Variants in INPP1 observed in about 807,000 individuals in gnomAD.
The protein encoded by INPP1 is inositol polyphosphate-1-phosphatase.
In INPP1, 18 loss-of-function variants were observed where a neutral mutation model predicts 23.0. That is an observed-to-expected ratio of 0.78 (90% CI 0.54 to 1.16). The LOEUF is 1.16. Among genes scored for constraint, INPP1 ranks in the 50% most tolerant of loss-of-function variants. The pLI is 0.00. For synonymous variants in INPP1, 164 were observed against 176.3 expected (o/e 0.93, Z 0.55); for missense variants, 448 against 482.1 (o/e 0.93, Z 0.66).
intron 4 of INPP1, among the ~76,000 whole-genome samples, chr2:190,365,575 C>T (rs1364381836): frequency 6.6e-6 from 1 of 152,240 alleles, no homozygotes; most frequent in Non-Finnish European, 1.5e-5. Context: ...ATTGTGCCCA[C>T]ATGGGCATTT....
At chr2:190,360,896 T>C (rs756577330) in intron 3 of INPP1, among the ~76,000 whole-genome samples, 1 of 152,166 alleles carries the variant, frequency 6.6e-6, no homozygotes, top group South Asian at 2.1e-4. Context: ...TTTATTCTAG[T>C]AGAAAAATAC....
At chr2:190,361,043 C>A (rs182760896) in intron 3 of INPP1, among the ~76,000 whole-genome samples, 22 of 152,226 alleles carry the variant, frequency 1.4e-4, no homozygotes, top group Admixed American at 1.4e-3. Context: ...TGCTATGTGC[C>A]AGCCACTATT....
chr2:190,363,827 TATAGAGGCAAAAGGC>T lies in INPP1; in HGVS notation c.265+1145_265+1159del, dbSNP rs1689582932. On this transcript the variant is annotated intron_variant, in intron 4 of 6. Coordinates refer to ENST00000392329, the MANE Select transcript of INPP1 (RefSeq NM_001128928.2). This position sits in a 1 kb window ranked among gnomAD's most constrained non-coding sequence, Gnocchi z 4.4. ...TTTTAATACATCATTTGTCTAGAAT[TATAGAGGCAAAAGGC>T]ATAGCCACATCCATTTTCCTGTTTG... Among the ~76,000 whole-genome samples the T allele has an allele frequency of 6.6e-6, 1 of 152,198 alleles. No individual in the cohort carries two copies. The highest frequency in any genetic ancestry group is 1.5e-5 in the Non-Finnish European group (1 of 68,036).
At chr2:190,348,029 TA>T (rs1433945973) in intron 1 of INPP1, among the ~76,000 whole-genome samples, 15 of 152,306 alleles carry the variant, frequency 9.8e-5, no homozygotes, top group African/African-American at 3.6e-4. Flanking sequence ...TCCCAGCTAC[TA>T]GGGGGGCTAA....
chr2:190,365,948 T>C (rs1042642724), intron 4 of INPP1, among the ~76,000 whole-genome samples: 3 of 151,346 alleles, frequency 2.0e-5, no homozygotes, highest in Non-Finnish European at 4.4e-5. Flanking sequence ...TCACTGTCTG[T>C]CTCACTCTTT....
intron 2 of INPP1, among the ~76,000 whole-genome samples, chr2:190,349,373 G>A (rs1212895572): frequency 6.6e-6 from 1 of 152,196 alleles, no homozygotes; most frequent in African/African-American, 2.4e-5. Context: ...GGAGGCGGAG[G>A]TTGCAGTGAG....
intron 3 of INPP1, among the ~76,000 whole-genome samples, chr2:190,361,551 T>C (rs1200338301): frequency 1.3e-5 from 2 of 152,236 alleles, no homozygotes; most frequent in Non-Finnish European, 2.9e-5. Context: ...GTTGAGCAAC[T>C]GGATTAAAAA....
intron 2 of INPP1, among the ~76,000 whole-genome samples, chr2:190,359,244 G>A (rs1689483967): frequency 1.3e-5 from 2 of 152,180 alleles, no homozygotes; most frequent in African/African-American, 4.8e-5. Context: ...AGGCTGCAAT[G>A]AGCTGTGTTC....
At position 190,367,826 on chromosome 2, in the gene INPP1, A is replaced by G. The variant is rs991934230; in HGVS notation, c.466+931A>G. ...AGCGATCTGCCTGCCTTGGCCTCCT[A>G]AAGTGCTAGGATGATTACAGGCATG... On this transcript the variant is annotated intron_variant, in intron 5 of 6. Coordinates refer to ENST00000392329, the MANE Select transcript of INPP1 (RefSeq NM_001128928.2). The surrounding 1 kb of genome is among the most constrained non-coding windows in gnomAD (Gnocchi z 4.1). Among the ~76,000 whole-genome samples, 3 of 152,106 alleles carry G rather than the reference A, an allele frequency of 2.0e-5. No individual in the cohort carries two copies. The South Asian group carries it at 6.2e-4, about 32-fold the overall frequency.
In INPP1 at chr2:190,355,788, T is replaced by G. The variant is rs947824728; in HGVS notation, c.-64-4251T>G. ...AATGATGAGTATGTAAACTTACTTT[T>G]TAAAAAATCATCTACTTCATCACGC... On this transcript the variant is annotated intron_variant, in intron 2 of 6. Transcript: ENST00000392329. The surrounding 1 kb of genome is among the most constrained non-coding windows in gnomAD (Gnocchi z 5.1). 2.0e-5 allele frequency among the ~76,000 whole-genome samples: 3 copies of G among 152,196 alleles called. No homozygotes were observed. The highest frequency in any genetic ancestry group is 2.9e-5 in the Non-Finnish European group (2 of 68,030).
In INPP1 at chr2:190,352,213, G is replaced by A. The variant is rs1055430594; in HGVS notation, c.-65+3182G>A. On this transcript the variant is annotated intron_variant, in intron 2 of 6. Transcript: ENST00000392329. This position sits in a 1 kb window ranked among gnomAD's most constrained non-coding sequence, Gnocchi z 4.7. ...GCGTGTCAACCAGAGGGAGCAGCAT[G>A]TGCAAATTTACAATCTTCCCAGAGC... Among the ~76,000 whole-genome samples, 1 of 152,166 alleles carries A rather than the reference G, an allele frequency of 6.6e-6. No individual in the cohort carries two copies. The highest frequency in any genetic ancestry group is 2.4e-5 in the African/African-American group (1 of 41,436).
intron 5 of INPP1, 39 bp downstream of exon 5, chr2:190,366,934 T>A (rs757691731): frequency 3.8e-6 from 5 of 1,321,494 alleles, no homozygotes; most frequent in Non-Finnish European, 5.4e-6. Flanking sequence ...ATTTGCAATC[T>A]TTTTTTTGGT....
rs71027214 is a variant in INPP1 at position 190,354,925 on chromosome 2, G to GGTGTGT, written c.-64-5098_-64-5093dup. ...AACCTAGTGACAGATATCAACTAGG[G>GGTGTGT]GTGTGTGTGTGTGTGTGTGTGCATT... is the stretch of plus-strand genomic sequence containing the variant. On this transcript the variant is annotated intron_variant, in intron 2 of 6. Coordinates refer to ENST00000392329, the MANE Select transcript of INPP1 (RefSeq NM_001128928.2). This position sits in a 1 kb window ranked among gnomAD's most constrained non-coding sequence, Gnocchi z 4.8. Among the ~76,000 whole-genome samples, 8,561 of 146,574 alleles carry GGTGTGT rather than the reference G, an allele frequency of 0.058. 322 individuals carry two copies. Among genetic ancestry groups the GGTGTGT allele is most frequent in the African/African-American group, 0.082 (3,229 of 39,402 alleles).
chr2:190,353,087 G>A (rs1689355079), intron 2 of INPP1, among the ~76,000 whole-genome samples: 1 of 152,214 alleles, frequency 6.6e-6, no homozygotes, highest in South Asian at 2.1e-4. Flanking sequence ...TGATTAGAGA[G>A]CAGTTCTGTT....
chr2:190,358,795 T>G (rs1689475975), intron 2 of INPP1, among the ~76,000 whole-genome samples: 2 of 152,182 alleles, frequency 1.3e-5, no homozygotes, highest in African/African-American at 4.8e-5. Context: ...ACAGATATAA[T>G]CAAGGTATGA....
chr2:190,347,188 T>A (rs1689235196), intron 1 of INPP1, among the ~76,000 whole-genome samples: 2 of 151,836 alleles, frequency 1.3e-5, no homozygotes, highest in South Asian at 4.2e-4. Context: ...ATTTTTTGTA[T>A]TTTTAGTAGA....
At chr2:190,369,423 G>T in intron 6 of INPP1, 146 bp downstream of exon 6, 1 of 478,106 alleles carries the variant, frequency 2.1e-6, no homozygotes, top group Non-Finnish European at 3.7e-6. Context: ...TTGAATTAAA[G>T]TTCTATTTTC....
chr2:190,344,373 T>A (rs758714160), intron 1 of INPP1, among the ~76,000 whole-genome samples: 6 of 152,238 alleles, frequency 3.9e-5, no homozygotes, highest in Non-Finnish European at 8.8e-5. Context: ...GTGGCCCAGC[T>A]GCAACAGGTA....
intron 2 of INPP1, 149 bp downstream of exon 2, chr2:190,349,180 G>C (rs781122753): frequency 6.6e-6 from 1 of 152,344 alleles, no homozygotes; most frequent in Non-Finnish European, 1.5e-5. Flanking sequence ...GCTCACGCCT[G>C]TAATCCCAGC....
Sources: gnomAD v4.1 joint callset for allele counts (sites outside exome capture counted in the v4.1 genomes callset) on GRCh38, gnomAD v4.1.1 for gene constraint, Gnocchi (gnomAD v3.1) non-coding constraint, MANE v1.5 for transcripts, NCBI Gene and HGNC (gene_info 2026-07-23, HGNC 2026-07-21) for gene names.